The following HOOK1 variants were observed in gnomAD, a reference collection of about 807,000 sequenced individuals.
HOOK1 encodes the protein protein Hook homolog 1.
Under a neutral mutation model 112.8 loss-of-function variants are expected in HOOK1, and 60 were observed. The observed-to-expected ratio is 0.53, with a 90% CI of 0.43 to 0.66. HOOK1 has a LOEUF of 0.66. Among genes scored for constraint, HOOK1 ranks in the 30% least tolerant of loss-of-function variants. The pLI is 0.00. For synonymous variants in HOOK1, 294 were observed against 283.8 expected (o/e 1.04, Z -0.36); for missense variants, 770 against 856.0 (o/e 0.90, Z 1.25).
At chr1:59,832,380 C>G (rs1160884600) in intron 4 of HOOK1, among the ~76,000 whole-genome samples, 167 bp downstream of exon 4, 1 of 151,892 alleles carries the variant, frequency 6.6e-6, no homozygotes, top group African/African-American at 2.4e-5. Context: ...TGAAAATAAG[C>G]TTGGATATAT....
intron 6 of HOOK1, among the ~76,000 whole-genome samples, chr1:59,835,908 G>T (rs1355340175): frequency 2.6e-5 from 4 of 152,002 alleles, no homozygotes; most frequent in Non-Finnish European, 5.9e-5. Context: ...CTTCTGTGCA[G>T]CCCAGTTTTA....
chr1:59,850,297 T>G (rs1025051750), intron 12 of HOOK1, among the ~76,000 whole-genome samples: 2 of 151,106 alleles, frequency 1.3e-5, no homozygotes, highest in Non-Finnish European at 3.0e-5. Context: ...GATTTGCAGT[T>G]TTTTTTTTCT....
At chr1:59,815,235 T>G in intron 1 of HOOK1, 55 bp downstream of exon 1, 1 of 1,503,622 alleles carries the variant, frequency 6.7e-7, no homozygotes, top group South Asian at 1.2e-5. Context: ...GCGAGGAGCC[T>G]GGGGCGCCCG....
At position 59,874,112 on chromosome 1, in the gene HOOK1, C is replaced by T. The variant is rs768772140; in HGVS notation, c.*1147C>T. On this transcript the variant is annotated 3_prime_UTR_variant, in exon 22 of 22. Transcript: ENST00000371208. The stretch of plus-strand genomic sequence containing the variant: ...TGCTGTCGTATATCATAGCCATGAG[C>T]CATATATGACAATTTAAATTTAATT... 6.6e-6 allele frequency: 1 copy of T among 151,850 alleles called. No homozygotes were observed. The allele number at this position is 151,850 out of a possible 1,614,324, so 9.4% of individuals were successfully genotyped here. A position where few individuals can be genotyped will look rare whatever the true frequency, so the allele number is the denominator to read the frequency against.
At chr1:59,836,090 G>GA (rs2098397448) in intron 6 of HOOK1, among the ~76,000 whole-genome samples, 1 of 151,704 alleles carries the variant, frequency 6.6e-6, no homozygotes, top group Non-Finnish European at 1.5e-5. Flanking sequence ...AATCTTTCCT[G>GA]AATTTTTCAT....
At chr1:59,838,129 A>G (rs1394517099) in intron 7 of HOOK1, among the ~76,000 whole-genome samples, 1 of 152,230 alleles carries the variant, frequency 6.6e-6, no homozygotes, top group African/African-American at 2.4e-5. Context: ...AGTCTTTGCT[A>G]TTGTGAATAG....
At chr1:59,816,183 C>T (rs550428840) in intron 1 of HOOK1, among the ~76,000 whole-genome samples, 73 of 152,250 alleles carry the variant, frequency 4.8e-4, no homozygotes, top group South Asian at 2.5e-3. Flanking sequence ...CCCTAGTGAT[C>T]TAATGCATCT....
At position 59,848,361 on chromosome 1, in the gene HOOK1, T is replaced by G. The variant is rs151056473; in HGVS notation, c.976T>G (p.Tyr326Asp). Residue 326 changes from tyrosine to aspartate, a missense_variant, in exon 11 of 22, where the codon TAT becomes GAT. Physicochemically the swap from Tyr to Asp is radical, Grantham distance 160. This residue lies in a region of HOOK1 where 655 missense variants were observed against 725.9 expected (regional missense o/e 0.90). Transcript: ENST00000371208. ...ANKLESTVEI[Y>D]RQKLQDLNDL... is the part of the protein sequence containing the mutation. ...TAAACTGGAGTCAACAGTTGAGATA[T>G]ATCGTCAGAAGCTACAAGATCTGAA... 1.9e-6 allele frequency: 3 copies of G among 1,611,124 alleles called. No homozygotes were observed. The African/African-American group carries it at 4.0e-5, about 22-fold the overall frequency.
At chr1:59,820,593 A>T (rs1244253217) in intron 1 of HOOK1, among the ~76,000 whole-genome samples, 5 of 151,922 alleles carry the variant, frequency 3.3e-5, no homozygotes, top group African/African-American at 9.7e-5. Flanking sequence ...AAAATATGCT[A>T]CTCTTCCCTC....
At chr1:59,861,599 C>CT (rs1243829992) in intron 15 of HOOK1, among the ~76,000 whole-genome samples, 6 of 152,146 alleles carry the variant, frequency 3.9e-5, no homozygotes, top group Admixed American at 3.9e-4. Flanking sequence ...ACCAATAGCT[C>CT]TTTTTCTATG....
intron 12 of HOOK1, 83 bp from the exon 13 acceptor site, chr1:59,858,345 C>A (rs1285079697): frequency 1.2e-6 from 1 of 851,636 alleles, no homozygotes; most frequent in Non-Finnish European, 2.0e-6. Context: ...AATTATTAAA[C>A]TAGTTAAGAT....
intron 9 of HOOK1, among the ~76,000 whole-genome samples, chr1:59,844,361 C>T (rs957071556): frequency 6.6e-6 from 1 of 151,864 alleles, no homozygotes; most frequent in African/African-American, 2.4e-5. Flanking sequence ...AGGACATTCT[C>T]TTATAAGCCA....
In HOOK1 at chr1:59,839,137, C is replaced by G. The variant is rs891908120; in HGVS notation, c.538-1171C>G. On this transcript the variant is annotated intron_variant, in intron 7 of 21. Transcript: ENST00000371208. The stretch of plus-strand genomic sequence containing the variant: ...AGTTTGAAGTCAGGTAATGTGATGC[C>G]TCCAGCTTTGTTCTTCTTGCACACA... Among the ~76,000 whole-genome samples, 5 of 152,194 alleles carry G rather than the reference C, an allele frequency of 3.3e-5. 1 individual carries two copies. Among genetic ancestry groups the G allele is most frequent in the African/African-American group, 1.2e-4 (5 of 41,444 alleles).
chr1:59,833,647 A>G (rs2098395605), intron 5 of HOOK1, 110 bp downstream of exon 5: 1 of 880,376 alleles, frequency 1.1e-6, no homozygotes, highest in African/African-American at 1.7e-5. Flanking sequence ...AGCACCCTGA[A>G]ACGTAAACCA....
chr1:59,853,715 C>T (rs2098408492), intron 12 of HOOK1, among the ~76,000 whole-genome samples: 1 of 151,382 alleles, frequency 6.6e-6, no homozygotes, highest in Non-Finnish European at 1.5e-5. Flanking sequence ...CAGTTTAGTT[C>T]CTTAGTTTCT....
At chr1:59,837,806 A>G (rs1469776588) in intron 7 of HOOK1, among the ~76,000 whole-genome samples, 4 of 152,018 alleles carry the variant, frequency 2.6e-5, no homozygotes, top group Non-Finnish European at 5.9e-5. Context: ...TCAACCTGTT[A>G]CCTACATTAG....
chr1:59,865,010 C>T, intron 17 of HOOK1, 153 bp from the exon 18 acceptor site: 1 of 599,328 alleles, frequency 1.7e-6, no homozygotes, highest in Admixed American at 3.1e-5. Context: ...CTGCCGTGTG[C>T]CTGACTGTTT....
intron 14 of HOOK1, 134 bp from the exon 15 acceptor site, chr1:59,860,054 C>T: frequency 1.9e-6 from 1 of 530,470 alleles, no homozygotes; most frequent in Non-Finnish European, 3.2e-6. Flanking sequence ...CATACCCTAC[C>T]AGCTATGCTA....
chr1:59,855,942 TTA>T (rs57109724), intron 12 of HOOK1, among the ~76,000 whole-genome samples: 43,126 of 96,202 alleles, frequency 0.45, 10,330 homozygotes, highest in South Asian at 0.72. Flanking sequence ...CCCAGCTAAT[TTA>T]TATATATATA....
Sources: gnomAD v4.1 joint callset for allele counts (sites outside exome capture counted in the v4.1 genomes callset) on GRCh38, gnomAD v4.1.1 for gene constraint, gnomAD v4.1.1 regional missense constraint, MANE v1.5 for transcripts, NCBI Gene and HGNC (gene_info 2026-07-23, HGNC 2026-07-21) for gene names.